Variants in HIF3A observed in about 807,000 individuals in gnomAD.
HIF3A encodes the protein hypoxia inducible factor 3 subunit alpha.
Under a neutral mutation model 67.2 loss-of-function variants are expected in HIF3A, and 41 were observed. The observed-to-expected ratio is 0.61, with a 90% confidence interval of 0.48 to 0.79. The LOEUF (loss-of-function observed/expected upper bound fraction) is 0.79. Among genes scored for constraint, HIF3A ranks in the 30% least tolerant of loss-of-function variants. The pLI is 0.00. For missense variants in HIF3A, 855 were observed against 898.0 expected, an observed-to-expected ratio of 0.95 and a Z score of 0.61; for synonymous variants, 356 against 374.8, an observed-to-expected ratio of 0.95 and a Z score of 0.58.
At chr19:46,316,729 G>A (rs1043035390) in intron 8 of HIF3A, among the ~76,000 whole-genome samples, 3 of 151,534 alleles carry the variant, frequency 2.0e-5, no homozygotes, top group Non-Finnish European at 4.4e-5. Flanking sequence ...CTTGAACCCC[G>A]GAGGCAGAGG....
At chr19:46,318,883 A>T (rs1278851302) in intron 8 of HIF3A, among the ~76,000 whole-genome samples, 2 of 152,118 alleles carry the variant, frequency 1.3e-5, no homozygotes, top group Admixed American at 1.3e-4. Flanking sequence ...GGCCTCCCAA[A>T]GTGCTGAGAT....
intron 8 of HIF3A, chr19:46,320,202 C>T (rs1003450897): frequency 4.5e-5 from 18 of 402,430 alleles, no homozygotes; most frequent in Non-Finnish European, 6.7e-5. Context: ...TGCACTCCAG[C>T]CTGGGCGACA....
chr19:46,327,258 G>A (rs1970853949), intron 11 of HIF3A, among the ~76,000 whole-genome samples: 2 of 151,630 alleles, frequency 1.3e-5, no homozygotes, highest in Admixed American at 6.6e-5. Flanking sequence ...AGAGGTGTGA[G>A]CCACTGTGCC....
chr19:46,331,828 C>A (rs1971250077), intron 13 of HIF3A, among the ~76,000 whole-genome samples: 1 of 131,496 alleles, frequency 7.6e-6, no homozygotes, highest in African/African-American at 3.0e-5. Context: ...GCAGTCCAGT[C>A]TAGGCAACAA....
At chr19:46,334,074 T>G (rs1427819259) in intron 13 of HIF3A, among the ~76,000 whole-genome samples, 4 of 151,444 alleles carry the variant, frequency 2.6e-5, no homozygotes, top group African/African-American at 4.9e-5. Flanking sequence ...ATTACAGGCG[T>G]GAGCCACCGC....
Position 46,303,863 on chromosome 19 carries a change from G to A in HIF3A, c.27-35G>A, listed in dbSNP as rs755066168. 4 of 1,591,268 alleles carry A rather than the reference G, an allele frequency of 2.5e-6. No homozygotes were observed. The African/African-American group carries it at 4.0e-5, about 16-fold the overall frequency. ...GTCCCGTCCTCCTTTTCTCTTTCCC[G>A]AGTCACCACCAGTGAATGCTGCCCA... On this transcript the variant is annotated intron_variant, in intron 1 of 14. Transcript: ENST00000377670.
At chr19:46,339,434 A>G in intron 14 of HIF3A, 91 bp from the exon 15 acceptor site, 1 of 857,966 alleles carries the variant, frequency 1.2e-6, no homozygotes, top group South Asian at 2.6e-5. Flanking sequence ...TAAGATTTTA[A>G]ACATTATTCC....
intron 13 of HIF3A, 153 bp downstream of exon 13, chr19:46,331,426 A>G (rs11665853): frequency 0.17 from 75,534 of 434,890 alleles, 7,467 homozygotes; most frequent in East Asian, 0.47. Context: ...CTGATCTTCT[A>G]GTTTCACTAA....
At chr19:46,303,310 A>G (rs951694328) in intron 1 of HIF3A, among the ~76,000 whole-genome samples, 1 of 152,226 alleles carries the variant, frequency 6.6e-6, no homozygotes, top group African/African-American at 2.4e-5. Context: ...TAAACAGAAC[A>G]GGTTGCTTTG....
chr19:46,335,084 G>A (rs1188561475), intron 14 of HIF3A, 98 bp downstream of exon 14: 3 of 845,608 alleles, frequency 3.5e-6, no homozygotes, highest in Non-Finnish European at 5.4e-6. Flanking sequence ...GGGACTGTCA[G>A]TGCTTGGAGG....
chr19:46,303,684 A>T, intron 1 of HIF3A: 9 of 1,587,014 alleles, frequency 5.7e-6, no homozygotes, highest in Non-Finnish European at 7.7e-6. Flanking sequence ...TGGCAAGACC[A>T]CAGGTAAAAT....
intron 1 of HIF3A, among the ~76,000 whole-genome samples, chr19:46,301,655 G>A (rs1052875848): frequency 2.6e-5 from 4 of 151,838 alleles, no homozygotes; most frequent in Non-Finnish European, 5.9e-5. Flanking sequence ...GCGAAACCCC[G>A]TCTCTACTAA....
chr19:46,324,259 ACAGTATTCATGAGAAGCACT>A (rs1483117944), intron 10 of HIF3A, among the ~76,000 whole-genome samples: 3 of 152,206 alleles, frequency 2.0e-5, no homozygotes, highest in Non-Finnish European at 4.4e-5. Context: ...GCATTAAGTG[ACAGTATTCATGAGAAGCACT>A]CAGTAGGGGC....
chr19:46,308,993 G>A (rs1329632378), intron 5 of HIF3A, among the ~76,000 whole-genome samples, 158 bp from the exon 6 acceptor site: 1 of 152,034 alleles, frequency 6.6e-6, no homozygotes, highest in Non-Finnish European at 1.5e-5. Flanking sequence ...GGGTTCCTAT[G>A]GGCCTGGGGC....
chr19:46,312,802 G>A, intron 8 of HIF3A, 149 bp downstream of exon 8: 1 of 1,371,454 alleles, frequency 7.3e-7, no homozygotes, highest in South Asian at 1.8e-5. Context: ...GTACACATAT[G>A]AGGAATGTGT....
At chr19:46,337,377 A>AGTAGCTGGGACTACACTT (rs1298747947) in intron 14 of HIF3A, among the ~76,000 whole-genome samples, 1 of 152,140 alleles carries the variant, frequency 6.6e-6, no homozygotes, top group Non-Finnish European at 1.5e-5. Flanking sequence ...CAGTCTCCCA[A>AGTAGCTGGGACTACACTT]GTAGCTGGGA....
At chr19:46,303,867 C>T (rs1039076184) in intron 1 of HIF3A, 31 bp from the exon 2 acceptor site, 4 of 1,595,368 alleles carry the variant, frequency 2.5e-6, no homozygotes, top group African/African-American at 1.3e-5. Context: ...TTTCCCGAGT[C>T]ACCACCAGTG....
Position 46,326,867 on chromosome 19 carries a change from C to T in HIF3A, c.1440+1228C>T, listed in dbSNP as rs188980996. On this transcript the variant is annotated intron_variant, in intron 11 of 14. Coordinates refer to ENST00000377670, the MANE Select transcript of HIF3A (RefSeq NM_152795.4). ...CTTTCATTAGGACTTTAAAAAAAAA[C>T]TGGGGGCCAGGCGTGGTGGCTCACG... 1.8e-3 allele frequency among the ~76,000 whole-genome samples: 269 copies of T among 152,188 alleles called. 1 individual carries two copies. Among genetic ancestry groups the T allele is most frequent in the African/African-American group, 5.8e-3 (239 of 41,542 alleles).
Position 46,308,294 on chromosome 19 carries a change from C to T in HIF3A, c.437C>T (p.Thr146Ile), listed in dbSNP as rs761616607. ...CDQEELQDAL[T>I]PQQTLSRRKV... The stretch of plus-strand genomic sequence containing the variant: ...CAAGAGGAGCTTCAGGACGCCCTGA[C>T]CCCCCAGCAGAGTGAGTTCCCTGGA... Residue 146 changes from threonine to isoleucine, a missense_variant, in exon 4 of 15, where the codon ACC (threonine) becomes ATC (isoleucine). This residue lies in a region of HIF3A where 638 missense variants were observed against 660.5 expected (regional missense o/e 0.97). Transcript: ENST00000377670. The T allele has an allele frequency of 9.9e-6, 16 of 1,608,764 alleles. No individual in the cohort carries two copies. The highest frequency in any genetic ancestry group is 3.3e-5 in the Admixed American group (2 of 59,778).
Sources: allele counts gnomAD v4.1 joint callset (sites outside exome capture counted in the v4.1 genomes callset), GRCh38; gene constraint gnomAD v4.1.1; regional missense constraint gnomAD v4.1.1; transcripts MANE v1.5; gene names NCBI Gene and HGNC (gene_info 2026-07-23, HGNC 2026-07-21).